Variants in KDM4C observed in about 807,000 individuals in gnomAD.
KDM4C encodes the protein lysine demethylase 4C, also known as lysine-specific demethylase 4C.
KDM4C carries 81 observed loss-of-function variants against 129.3 expected under a neutral mutation model. The ratio of observed to expected loss-of-function variants is 0.63; its 90% CI spans 0.52 to 0.75. The LOEUF (loss-of-function observed/expected upper bound fraction) is 0.75. Among genes scored for constraint, KDM4C ranks in the 30% least tolerant of loss-of-function variants. The pLI is 0.00. For missense variants in KDM4C, 1,457 were observed against 1,304.0 expected (o/e 1.12, Z -1.81); for synonymous variants, 573 against 456.1 (o/e 1.26, Z -3.26).
At chr9:6,834,717 A>C in intron 4 of KDM4C, 2 of 908,984 alleles carry the variant, frequency 2.2e-6, no homozygotes, top group Non-Finnish European at 3.7e-6. Context: ...ATCTGGCACC[A>C]CACCTTCTAA....
chr9:7,152,243 T>C (rs193123814), intron 19 of KDM4C, among the ~76,000 whole-genome samples: 74 of 152,326 alleles, frequency 4.9e-4, no homozygotes, highest in African/African-American at 1.7e-3. Flanking sequence ...ATAACAAATA[T>C]ACAATAGCAT....
intron 8 of KDM4C, among the ~76,000 whole-genome samples, chr9:6,912,728 G>A (rs1021496119): frequency 9.9e-5 from 15 of 152,186 alleles, no homozygotes; most frequent in African/African-American, 3.6e-4. Flanking sequence ...TCTTTCCCCA[G>A]TAACTGGATT....
chr9:6,893,030 T>A, intron 7 of KDM4C, 65 bp from the exon 8 acceptor site: 1 of 1,230,760 alleles, frequency 8.1e-7, no homozygotes, highest in South Asian at 2.2e-5. Flanking sequence ...GAAATATATT[T>A]TAATTGTATT....
intron 4 of KDM4C, among the ~76,000 whole-genome samples, chr9:6,838,763 TAGAA>T (rs1836351393): frequency 6.6e-6 from 1 of 152,182 alleles, no homozygotes; most frequent in Non-Finnish European, 1.5e-5. Context: ...AGTACATTTT[TAGAA>T]AGAAGCAGCA....
At chr9:7,020,611 C>T (rs1054809263) in intron 15 of KDM4C, among the ~76,000 whole-genome samples, 1 of 152,124 alleles carries the variant, frequency 6.6e-6, no homozygotes, top group African/African-American at 2.4e-5. Context: ...ATATTAGTAT[C>T]TGTGTCTCAT....
chr9:7,011,180 C>G (rs1822621555), intron 12 of KDM4C, among the ~76,000 whole-genome samples: 1 of 151,908 alleles, frequency 6.6e-6, no homozygotes, highest in Admixed American at 6.6e-5. Flanking sequence ...TACTTTATAG[C>G]TGCTCTGTAA....
intron 1 of KDM4C, among the ~76,000 whole-genome samples, chr9:6,780,768 CAAAAAAAAA>C (rs34457968): frequency 4.5e-3 from 145 of 32,156 alleles, no homozygotes; most frequent in Non-Finnish European, 6.2e-3. Flanking sequence ...AACTCCCTCT[CAAAAAAAAA>C]AAAAAAAAAA....
At chr9:7,161,777 C>T (rs1843824052) in intron 19 of KDM4C, among the ~76,000 whole-genome samples, 1 of 152,208 alleles carries the variant, frequency 6.6e-6, no homozygotes, top group Non-Finnish European at 1.5e-5. Flanking sequence ...CCACCAGCTT[C>T]TACTTTGGAG....
At chr9:6,838,839 A>C (rs752775607) in intron 4 of KDM4C, among the ~76,000 whole-genome samples, 2 of 152,246 alleles carry the variant, frequency 1.3e-5, no homozygotes, top group Non-Finnish European at 2.9e-5. Flanking sequence ...ATACGGATCT[A>C]TTCTCATTGT....
chr9:7,049,132 C>G lies in KDM4C; in HGVS notation c.2356C>G (p.Arg786Gly), dbSNP rs374516052. 2 of 1,612,472 alleles carry G rather than the reference C, an allele frequency of 1.2e-6. No homozygotes were observed. The highest frequency in any genetic ancestry group is 4.5e-5 in the East Asian group (2 of 44,820). Residue 786 changes from arginine to glycine, a missense_variant, in exon 17 of 22, where the codon CGA (arginine) becomes GGA (glycine). By Grantham distance (125) the Arg-to-Gly change is moderately radical (BLOSUM62 -2). Transcript: ENST00000381309. ...VMCAVAVPEV[R>G]FTNVPERTQI... ...GTGCGCCGTTGCGGTCCCAGAAGTTCGATTCACTAATGTCCCAGAAAGGAC... is the reference window on the plus strand; with the variant it reads ...GTGCGCCGTTGCGGTCCCAGAAGTTGGATTCACTAATGTCCCAGAAAGGAC...
chr9:6,917,697 T>A (rs1820577267), intron 8 of KDM4C, among the ~76,000 whole-genome samples: 1 of 152,182 alleles, frequency 6.6e-6, no homozygotes, highest in East Asian at 1.9e-4. Context: ...TCCATCCTCA[T>A]TCTTTGCTGA....
intron 15 of KDM4C, among the ~76,000 whole-genome samples, chr9:7,020,830 T>A (rs1019694191): frequency 6.6e-6 from 1 of 152,164 alleles, no homozygotes; most frequent in African/African-American, 2.4e-5. Flanking sequence ...GTTATACTCA[T>A]TGCGTTACTT....
chr9:6,765,735 A>G (rs546558356), intron 1 of KDM4C, among the ~76,000 whole-genome samples: 1 of 152,338 alleles, frequency 6.6e-6, no homozygotes, highest in African/African-American at 2.4e-5. Context: ...AAATATATAA[A>G]ATTGAAACAA....
chr9:6,786,282 C>T (rs1457959109), intron 1 of KDM4C, among the ~76,000 whole-genome samples: 2 of 152,088 alleles, frequency 1.3e-5, no homozygotes, highest in Non-Finnish European at 2.9e-5. Context: ...AGATGTTTGT[C>T]CTTTATCATA....
rs566764184 is a variant in KDM4C, at chr9:6,820,253, T to C, written c.435+5508T>C. Among the ~76,000 whole-genome samples, 7 of 152,288 alleles carry C rather than the reference T, an allele frequency of 4.6e-5. 1 individual carries two copies. The East Asian group carries it at 1.2e-3, about 25-fold the overall frequency. ...TGGGGACGACATCTGAACTTGGCTT[T>C]GATGACTAAGTTCCAGTGAAAGGAG... On this transcript the variant is annotated intron_variant, in intron 4 of 21. Transcript: ENST00000381309.
intron 17 of KDM4C, among the ~76,000 whole-genome samples, chr9:7,078,509 A>T (rs1482479873): frequency 6.6e-6 from 1 of 151,860 alleles, no homozygotes; most frequent in Non-Finnish European, 1.5e-5. Context: ...GTTCTCCTTA[A>T]TGGTTCTCTT....
intron 8 of KDM4C, among the ~76,000 whole-genome samples, chr9:6,964,618 A>G (rs1830582589): frequency 6.6e-6 from 1 of 151,790 alleles, no homozygotes; most frequent in African/African-American, 2.4e-5. Flanking sequence ...CATCTCTACT[A>G]AAAAATACAA....
chr9:6,862,405 A>T (rs769048298), intron 5 of KDM4C, among the ~76,000 whole-genome samples: 1 of 151,998 alleles, frequency 6.6e-6, no homozygotes, highest in Non-Finnish European at 1.5e-5. Context: ...TTTGCATGTT[A>T]CTTGTAGTTT....
chr9:7,069,889 C>G (rs1832960923), intron 17 of KDM4C, among the ~76,000 whole-genome samples: 1 of 152,056 alleles, frequency 6.6e-6, no homozygotes, highest in Admixed American at 6.5e-5. Flanking sequence ...GGTTCTCACA[C>G]CAGATTTGAA....
Sources: gnomAD v4.1 joint callset for allele counts (sites outside exome capture counted in the v4.1 genomes callset) on GRCh38, gnomAD v4.1.1 for gene constraint, MANE v1.5 for transcripts, NCBI Gene and HGNC (gene_info 2026-07-23, HGNC 2026-07-21) for gene names.